The following DDX31 variants were observed in gnomAD, a reference collection of about 807,000 sequenced individuals.
DDX31 encodes ATP-dependent DNA helicase DDX31.
In DDX31, 70 loss-of-function variants were observed where a neutral mutation model predicts 91.3. The observed-to-expected ratio is 0.77, with a 90% CI of 0.63 to 0.94. DDX31 has a LOEUF of 0.94. DDX31 is among the 40% of genes least tolerant of loss of function. The probability of loss-of-function intolerance (pLI) is 0.00; values close to 1 mark genes in which losing one functional copy is unlikely to be tolerated. For missense variants in DDX31, 902 were observed against 925.0 expected (o/e 0.98, Z 0.32); for synonymous variants, 362 against 350.6 (o/e 1.03, Z -0.36).
At chr9:132,664,504 T>G (rs1027867832) in intron 1 of DDX31, among the ~76,000 whole-genome samples, 1 of 151,788 alleles carries the variant, frequency 6.6e-6, no homozygotes, top group Non-Finnish European at 1.5e-5. Context: ...AGGCCAGGAG[T>G]TCGAGACCAG....
At chr9:132,643,387 G>GA (rs1436099546) in intron 13 of DDX31, among the ~76,000 whole-genome samples, 1 of 152,142 alleles carries the variant, frequency 6.6e-6, no homozygotes, top group Non-Finnish European at 1.5e-5. Context: ...TCAAAATCTG[G>GA]AAAAAAGTAA....
intron 1 of DDX31, among the ~76,000 whole-genome samples, chr9:132,664,982 T>C (rs1590112154): frequency 1.3e-5 from 2 of 152,168 alleles, no homozygotes; most frequent in Non-Finnish European, 2.9e-5. Context: ...CTGACCTCTC[T>C]TCACCCAGTC....
chr9:132,644,921 C>T (rs1299241855), intron 13 of DDX31, among the ~76,000 whole-genome samples: 1 of 152,168 alleles, frequency 6.6e-6, no homozygotes, highest in Non-Finnish European at 1.5e-5. Context: ...TGACCTTGAA[C>T]AAGTTCGCTT....
intron 14 of DDX31, among the ~76,000 whole-genome samples, 177 bp from the exon 15 acceptor site, chr9:132,632,268 A>AGTCCTG (rs1219510601): frequency 6.9e-6 from 1 of 145,160 alleles, no homozygotes; most frequent in African/African-American, 2.6e-5. Flanking sequence ...ACACACACAC[A>AGTCCTG]CACACACACA....
intron 1 of DDX31, among the ~76,000 whole-genome samples, chr9:132,665,223 C>T (rs903601965): frequency 1.1e-4 from 17 of 152,304 alleles, no homozygotes; most frequent in African/African-American, 4.1e-4. Flanking sequence ...GAATGAATAA[C>T]ACACAATGGA....
In DDX31 at chr9:132,603,824, C is replaced by T. The variant is rs190256211; in HGVS notation, c.1994+8263G>A. Among the ~76,000 whole-genome samples, 58 of 152,250 alleles carry T rather than the reference C, an allele frequency of 3.8e-4. No individual in the cohort carries two copies. In the East Asian group the frequency reaches 8.9e-3, roughly 23 times the overall value. On this transcript the variant is annotated intron_variant, in intron 19 of 19. Transcript: ENST00000372159. ...GACTGAAAGCACGCCCTGTGGTTCCCGCTGTCTGCAGGTGACCCAGGTGTG... is the reference window on the plus strand; with the variant it reads ...GACTGAAAGCACGCCCTGTGGTTCCTGCTGTCTGCAGGTGACCCAGGTGTG...
intron 14 of DDX31, among the ~76,000 whole-genome samples, chr9:132,640,759 C>T (rs1329039682): frequency 2.0e-5 from 3 of 152,184 alleles, no homozygotes; most frequent in Admixed American, 6.5e-5. Flanking sequence ...CCTCCCACCT[C>T]GGCCTCCCAA....
chr9:132,637,716 G>C, intron 14 of DDX31: 1 of 564,502 alleles, frequency 1.8e-6, no homozygotes, highest in Non-Finnish European at 2.2e-6. Flanking sequence ...TCAGAGGCGA[G>C]AGATCTTGGC....
intron 6 of DDX31, among the ~76,000 whole-genome samples, chr9:132,653,268 C>T (rs372816828): frequency 3.3e-5 from 5 of 151,364 alleles, no homozygotes; most frequent in African/African-American, 1.2e-4. Flanking sequence ...CCAAGACAGG[C>T]GGATCACTTG....
chr9:132,659,324 T>C (rs1834784864), intron 5 of DDX31, among the ~76,000 whole-genome samples: 1 of 152,212 alleles, frequency 6.6e-6, no homozygotes, highest in Non-Finnish European at 1.5e-5. Context: ...AACAGTGTTC[T>C]GTCCTCGAGC....
intron 6 of DDX31, chr9:132,658,148 T>C (rs1834689954): frequency 1.7e-6 from 1 of 605,926 alleles, no homozygotes; most frequent in African/African-American, 1.8e-5. Flanking sequence ...TTAGGTACTG[T>C]GGAAGACACA....
chr9:132,642,206 C>A, intron 13 of DDX31, 143 bp from the exon 14 acceptor site: 1 of 734,880 alleles, frequency 1.4e-6, no homozygotes, highest in Non-Finnish European at 2.3e-6. Flanking sequence ...GAGGAAGAAG[C>A]GGATTCTTTA....
intron 19 of DDX31, among the ~76,000 whole-genome samples, chr9:132,611,851 A>G (rs373400046): frequency 6.6e-6 from 1 of 152,006 alleles, no homozygotes; most frequent in Admixed American, 6.6e-5. Flanking sequence ...CCGCAGCACA[A>G]CTGAAGCTCC....
At chr9:132,653,043 G>T (rs912194366) in intron 6 of DDX31, among the ~76,000 whole-genome samples, 4 of 150,878 alleles carry the variant, frequency 2.7e-5, no homozygotes, top group Non-Finnish European at 5.9e-5. Context: ...CATACAATCA[G>T]ACAAGAAATA....
At chr9:132,624,614 C>T (rs2247393) in intron 17 of DDX31, among the ~76,000 whole-genome samples, 86,410 of 152,000 alleles carry the variant, frequency 0.57, 26,118 homozygotes, top group African/African-American at 0.77. Context: ...AGTTCCTTTA[C>T]CTCTCTAAGT....
chr9:132,604,879 G>A (rs1830925849), intron 19 of DDX31, among the ~76,000 whole-genome samples: 1 of 152,162 alleles, frequency 6.6e-6, no homozygotes, highest in South Asian at 2.1e-4. Flanking sequence ...CCACTCCTGA[G>A]CCTGCTCATT....
At chr9:132,668,305 G>A (rs1835444672) in intron 1 of DDX31, among the ~76,000 whole-genome samples, 1 of 152,018 alleles carries the variant, frequency 6.6e-6, no homozygotes, top group Admixed American at 6.6e-5. Context: ...TCTAGCAATG[G>A]GATTATATCA....
intron 6 of DDX31, among the ~76,000 whole-genome samples, chr9:132,655,702 C>A (rs1265754082): frequency 6.6e-6 from 1 of 152,156 alleles, no homozygotes; most frequent in East Asian, 1.9e-4. Context: ...CCAAAGTAAT[C>A]CGAAAAAGGC....
rs71376648 is a variant in DDX31 at position 132,653,494 on chromosome 9, C to CAAAAA, written c.589-1007_589-1003dup. Among the ~76,000 whole-genome samples the CAAAAA allele has an allele frequency of 1.6e-3, 32 of 20,628 alleles. 2 individuals are homozygous for CAAAAA. The highest frequency in any genetic ancestry group is 2.3e-3 in the Admixed American group (2 of 864). 13.5% of individuals were successfully genotyped at this position (20,628 alleles called of 152,430 possible). On this transcript the variant is annotated intron_variant, in intron 6 of 19. Coordinates refer to ENST00000372159, the MANE Select transcript of DDX31 (RefSeq NM_022779.9). ...GGGCAACAAGTGAAAAACTCAGTCT[C>CAAAAA]AAAAAAAAAAAAAAAAAAAAAAAAA...
Sources: gnomAD v4.1 joint callset for allele counts (sites outside exome capture counted in the v4.1 genomes callset) on GRCh38, gnomAD v4.1.1 for gene constraint, MANE v1.5 for transcripts, NCBI Gene and HGNC (gene_info 2026-07-23, HGNC 2026-07-21) for gene names.